UFSP2: variants seen among roughly 807,000 people sequenced by gnomAD.
UFSP2 encodes the protein UFM1 specific peptidase 2, also known as ufm1-specific protease 2.
In UFSP2, 43 loss-of-function variants were observed where a neutral mutation model predicts 60.2. That is an observed-to-expected ratio of 0.71 (90% CI 0.56 to 0.92). The LOEUF (loss-of-function observed/expected upper bound fraction) is 0.92. Ranked by LOEUF, UFSP2 falls within the 40% of genes least tolerant of loss-of-function variation. The probability of loss-of-function intolerance (pLI) is 0.00; values close to 1 mark genes in which losing one functional copy is unlikely to be tolerated. For synonymous variants in UFSP2, 183 were observed against 195.1 expected, an observed-to-expected ratio of 0.94 and a Z score of 0.52; for missense variants, 520 against 575.0, an observed-to-expected ratio of 0.90 and a Z score of 0.98.
At chr4:185,410,402 CACTT>C (rs1286883924) in intron 7 of UFSP2, among the ~76,000 whole-genome samples, 3 of 152,152 alleles carry the variant, frequency 2.0e-5, no homozygotes, top group Non-Finnish European at 4.4e-5. Flanking sequence ...GTAATCCCAG[CACTT>C]TGGGAGGCCG....
chr4:185,407,804 G>A, intron 9 of UFSP2, 132 bp downstream of exon 9: 1 of 962,958 alleles, frequency 1.0e-6, no homozygotes, highest in South Asian at 2.6e-5. Context: ...GATTTATAAA[G>A]CAATGAGTAA....
chr4:185,403,210 T>A (rs2095515311), intron 11 of UFSP2, among the ~76,000 whole-genome samples: 1 of 152,244 alleles, frequency 6.6e-6, no homozygotes, highest in Non-Finnish European at 1.5e-5. Flanking sequence ...CATTTGTTTA[T>A]GAAAGCTCTA....
At chr4:185,418,902 AT>A (rs977084252) in intron 2 of UFSP2, 132 bp from the exon 3 acceptor site, 14 of 688,150 alleles carry the variant, frequency 2.0e-5, no homozygotes, top group Non-Finnish European at 3.1e-5. Context: ...TAATTTCAAA[AT>A]TTTTTGCCTA....
intron 9 of UFSP2, 135 bp from the exon 10 acceptor site, chr4:185,405,991 G>C: frequency 6.6e-7 from 1 of 1,522,470 alleles, no homozygotes; most frequent in Non-Finnish European, 8.8e-7. Context: ...AAAAAATTAA[G>C]TGTTAGGGAA....
intron 9 of UFSP2, chr4:185,406,301 A>G (rs182914741): frequency 1.7e-4 from 34 of 199,616 alleles, no homozygotes; most frequent in Admixed American, 5.7e-4. Flanking sequence ...TGTCTACATA[A>G]CAGAGGAGAG....
chr4:185,419,557 A>G (rs1214771428), intron 2 of UFSP2, among the ~76,000 whole-genome samples: 1 of 152,186 alleles, frequency 6.6e-6, no homozygotes, highest in Non-Finnish European at 1.5e-5. Context: ...TTTATCTCTC[A>G]TCCAGCTTCC....
intron 4 of UFSP2, among the ~76,000 whole-genome samples, chr4:185,416,412 A>C (rs2095538804): frequency 6.6e-6 from 1 of 152,222 alleles, no homozygotes; most frequent in East Asian, 1.9e-4. Context: ...AACTATAATC[A>C]AATACTGAAC....
intron 11 of UFSP2, 27 bp from the exon 12 acceptor site, chr4:185,400,505 G>C: frequency 6.4e-7 from 1 of 1,560,766 alleles, no homozygotes; most frequent in Non-Finnish European, 8.8e-7. Context: ...GGAAAGGAAA[G>C]CCTTTTACAA....
chr4:185,423,604 T>C (rs1002139049), intron 1 of UFSP2, among the ~76,000 whole-genome samples: 2 of 152,120 alleles, frequency 1.3e-5, no homozygotes, highest in Non-Finnish European at 2.9e-5. Flanking sequence ...AAAAATCATG[T>C]TTTTGCTGAA....
chr4:185,425,718 C>G, intron 1 of UFSP2, 148 bp downstream of exon 1: 1 of 1,250,402 alleles, frequency 8.0e-7, no homozygotes. Context: ...GACAGGCGAA[C>G]TGGAGAGCCG....
chr4:185,412,702 A>G (rs2095531537), intron 7 of UFSP2, among the ~76,000 whole-genome samples: 1 of 152,184 alleles, frequency 6.6e-6, no homozygotes, highest in Non-Finnish European at 1.5e-5. Flanking sequence ...AGTTAAGAAC[A>G]GGCCAGTTAG....
chr4:185,424,435 C>T (rs927403863), intron 1 of UFSP2, among the ~76,000 whole-genome samples: 3 of 152,188 alleles, frequency 2.0e-5, no homozygotes, highest in Non-Finnish European at 4.4e-5. Context: ...AATCCTTTGT[C>T]ACATTTCTAT....
At chr4:185,407,482 ATG>A (rs1334529878) in intron 9 of UFSP2, among the ~76,000 whole-genome samples, 1 of 152,198 alleles carries the variant, frequency 6.6e-6, no homozygotes, top group Non-Finnish European at 1.5e-5. Flanking sequence ...AAAAGACAAA[ATG>A]AATACATTAT....
intron 7 of UFSP2, among the ~76,000 whole-genome samples, chr4:185,411,428 T>A (rs900895965): frequency 1.3e-5 from 2 of 151,446 alleles, no homozygotes; most frequent in Non-Finnish European, 2.9e-5. Context: ...ATATCACTAA[T>A]AAAAAAACAA....
intron 10 of UFSP2, among the ~76,000 whole-genome samples, chr4:185,403,981 A>AC (rs1287774818): frequency 1.3e-5 from 2 of 151,094 alleles, no homozygotes; most frequent in Admixed American, 6.6e-5. Flanking sequence ...AAAAAAACAA[A>AC]AAAAAACAAC....
chr4:185,424,735 A>T (rs1020699595), intron 1 of UFSP2, among the ~76,000 whole-genome samples: 1 of 152,256 alleles, frequency 6.6e-6, no homozygotes, highest in Non-Finnish European at 1.5e-5. Context: ...GATAAAAGTT[A>T]GACAGGAAAG....
At position 185,403,991 on chromosome 4, in the gene UFSP2, C is replaced by A. The variant is rs199549837; in HGVS notation, c.1199-373G>T. ...CAAAAAAAAAAACAAAAAAAAACAA[C>A]ATTACTTTGCTTATTAACTGATCTA... is the stretch of plus-strand genomic sequence containing the variant. On this transcript the variant is annotated intron_variant, in intron 10 of 11. Coordinates refer to ENST00000264689, the MANE Select transcript of UFSP2 (RefSeq NM_018359.5). 4.0e-3 allele frequency among the ~76,000 whole-genome samples: 355 copies of A among 89,536 alleles called. 25 individuals carry two copies. The highest frequency in any genetic ancestry group is 7.3e-3 in the South Asian group (17 of 2,332). The allele number at this position is 89,536 out of a possible 152,430, so 58.7% of individuals were successfully genotyped here.
At position 185,408,893 on chromosome 4, in the gene UFSP2, C is replaced by T. The variant is rs1206354497; in HGVS notation, c.832-458G>A. On this transcript the variant is annotated intron_variant, in intron 7 of 11. Coordinates refer to ENST00000264689, the MANE Select transcript of UFSP2 (RefSeq NM_018359.5). ...CCCACTCATTCTCTCACTACCCCACCCCCTGCCTCACCTGTCATCTCTGTC... is the reference window on the plus strand; with the variant it reads ...CCCACTCATTCTCTCACTACCCCACTCCCTGCCTCACCTGTCATCTCTGTC... Among the ~76,000 whole-genome samples the T allele has an allele frequency of 2.0e-5, 3 of 152,150 alleles. No homozygotes were observed. In the East Asian group the frequency reaches 5.8e-4, roughly 29 times the overall value.
intron 2 of UFSP2, among the ~76,000 whole-genome samples, chr4:185,420,244 C>G (rs2095546968): frequency 6.6e-6 from 1 of 151,862 alleles, no homozygotes; most frequent in African/African-American, 2.4e-5. Flanking sequence ...TTTTTGTTTT[C>G]AAGGATTTCC....
Sources: gnomAD v4.1 joint callset for allele counts (sites outside exome capture counted in the v4.1 genomes callset) on GRCh38, gnomAD v4.1.1 for gene constraint, MANE v1.5 for transcripts, NCBI Gene and HGNC (gene_info 2026-07-23, HGNC 2026-07-21) for gene names.